ZC3H12B: variants seen among roughly 807,000 people sequenced by gnomAD.
ZC3H12B encodes the protein zinc finger CCCH-type containing 12B, also known as probable ribonuclease ZC3H12B.
In ZC3H12B, 7 loss-of-function variants were observed where a neutral mutation model predicts 43.9. That is an observed-to-expected ratio of 0.16 (90% CI 0.09 to 0.30). ZC3H12B has a LOEUF of 0.30. ZC3H12B is among the 10% of genes least tolerant of loss of function. The pLI is 1.00. For synonymous variants in ZC3H12B, 222 were observed against 241.7 expected, an observed-to-expected ratio of 0.92 and a Z score of 0.76; for missense variants, 475 against 670.2, an observed-to-expected ratio of 0.71 and a Z score of 3.22.
At chrX:65,267,186 T>A in the ZC3H12B span, among the ~76,000 whole-genome samples, 1 of 98,915 alleles carries the variant, frequency 1.0e-5, no homozygotes, top group African/African-American at 5.0e-5. Context: ...GAGAGTATTT[T>A]TTTTCTTTCT....
the ZC3H12B span, among the ~76,000 whole-genome samples, chrX:65,352,769 T>A: frequency 4.5e-5 from 5 of 112,204 alleles, 1 homozygote; most frequent in Non-Finnish European, 9.4e-5. Context: ...CTGTGTCACA[T>A]TTTGGTTATT....
intron 3 of ZC3H12B, among the ~76,000 whole-genome samples, chrX:65,418,667 C>T (rs1396780277): frequency 9.0e-6 from 1 of 111,488 alleles, no homozygotes; most frequent in Non-Finnish European, 1.9e-5. Flanking sequence ...TAAGAAGACT[C>T]CTAAAATCTT....
At chrX:65,071,151 T>C in the ZC3H12B span, among the ~76,000 whole-genome samples, 1 of 110,749 alleles carries the variant, frequency 9.0e-6, no homozygotes, top group African/African-American at 3.3e-5. Flanking sequence ...TAGGTGTGTA[T>C]AGATTTAGGA....
intron 3 of ZC3H12B, among the ~76,000 whole-genome samples, chrX:65,471,049 G>C (rs189133699): frequency 1.9e-3 from 214 of 111,484 alleles, no homozygotes; most frequent in Non-Finnish European, 3.2e-3. Context: ...AGGTCCATTT[G>C]CTCTAGAGTG....
the ZC3H12B span, among the ~76,000 whole-genome samples, chrX:65,107,852 G>A: frequency 4.5e-5 from 5 of 110,753 alleles, no homozygotes; most frequent in Non-Finnish European, 7.6e-5. Flanking sequence ...TCTTAGTCTC[G>A]GGCAGTTCTT....
the ZC3H12B span, among the ~76,000 whole-genome samples, chrX:65,317,292 G>A: frequency 9.1e-6 from 1 of 109,679 alleles, no homozygotes; most frequent in Non-Finnish European, 1.9e-5. Context: ...CACGGTCTTG[G>A]GCAGGAGTGC....
At chrX:65,261,919 T>C in the ZC3H12B span, among the ~76,000 whole-genome samples, 1 of 110,831 alleles carries the variant, frequency 9.0e-6, no homozygotes, top group African/African-American at 3.3e-5. Context: ...GCTTAGCACA[T>C]ATCTTAGGTT....
the ZC3H12B span, among the ~76,000 whole-genome samples, chrX:65,350,541 C>A: frequency 8.9e-6 from 1 of 111,877 alleles, no homozygotes; most frequent in Non-Finnish European, 1.9e-5. Context: ...CAAATTGTCT[C>A]TGTTTGCAGA....
chrX:65,225,130 A>G, the ZC3H12B span, among the ~76,000 whole-genome samples: 1 of 111,485 alleles, frequency 9.0e-6, no homozygotes, highest in African/African-American at 3.3e-5. Context: ...ACCCCCCAGT[A>G]GGGGCAGACT....
At chrX:65,238,751 C>A in the ZC3H12B span, among the ~76,000 whole-genome samples, 1 of 112,039 alleles carries the variant, frequency 8.9e-6, no homozygotes, top group South Asian at 3.7e-4. Flanking sequence ...CTTAACACTG[C>A]TTTAGCTGCA....
At chrX:65,458,011 C>T (rs1384189904) in intron 3 of ZC3H12B, among the ~76,000 whole-genome samples, 2 of 62,960 alleles carry the variant, frequency 3.2e-5, no homozygotes, top group East Asian at 8.9e-4. Context: ...CCACTATTGT[C>T]CTATGACCCT....
intron 3 of ZC3H12B, among the ~76,000 whole-genome samples, chrX:65,450,032 C>T (rs1362815585): frequency 3.6e-5 from 4 of 110,055 alleles, no homozygotes; most frequent in Non-Finnish European, 7.6e-5. Flanking sequence ...TTAGGCTGGG[C>T]GTGGTAACTC....
chrX:65,380,898 A>G (rs2066428369), intron 2 of ZC3H12B, among the ~76,000 whole-genome samples: 1 of 112,038 alleles, frequency 8.9e-6, no homozygotes, highest in African/African-American at 3.2e-5. Flanking sequence ...CAACAAGAAG[A>G]GCTAACTATC....
chrX:65,160,677 G>A, the ZC3H12B span, among the ~76,000 whole-genome samples: 1 of 111,260 alleles, frequency 9.0e-6, no homozygotes, highest in Non-Finnish European at 1.9e-5. Flanking sequence ...CTTGCTAATG[G>A]TGTATCAATT....
At chrX:65,125,198 G>A in the ZC3H12B span, among the ~76,000 whole-genome samples, 21 of 111,374 alleles carry the variant, frequency 1.9e-4, no homozygotes, top group East Asian at 6.0e-3. Flanking sequence ...TTATCATTCA[G>A]TTCAAAGAAT....
the ZC3H12B span, among the ~76,000 whole-genome samples, chrX:65,054,151 G>T: frequency 1.8e-5 from 2 of 111,798 alleles, no homozygotes; most frequent in East Asian, 5.6e-4. Flanking sequence ...TGTTGCCATT[G>T]CTTTTGGTGT....
exon 5 of ZC3H12B, chrX:65,503,597 T>C (rs1398975238): frequency 1.7e-5 from 2 of 118,360 alleles, no homozygotes; most frequent in African/African-American, 6.9e-5. Context: ...CCTTTTTCTC[T>C]TTTCGTTTCT....
At chrX:65,060,857 A>T in the ZC3H12B span, among the ~76,000 whole-genome samples, 4 of 111,637 alleles carry the variant, frequency 3.6e-5, no homozygotes, top group South Asian at 1.5e-3. Context: ...TCTTCTTTCA[A>T]TGTTTGGTAG....
chrX:65,149,337 T>C, the ZC3H12B span, among the ~76,000 whole-genome samples: 1 of 112,452 alleles, frequency 8.9e-6, no homozygotes, highest in Non-Finnish European at 1.9e-5. Context: ...ACTTGATTTT[T>C]CTGTGCGCAG....
Sources: allele counts gnomAD v4.1 joint callset (sites outside exome capture counted in the v4.1 genomes callset), GRCh38; gene constraint gnomAD v4.1.1; transcripts MANE v1.5; gene names NCBI Gene and HGNC (gene_info 2026-07-23, HGNC 2026-07-21).